The following URM1 variants were observed in gnomAD, a reference collection of about 807,000 sequenced individuals.
URM1 encodes the protein ubiquitin related modifier 1.
A neutral mutation model predicts 17.7 loss-of-function variants in URM1; 11 were observed. The observed-to-expected ratio is 0.62, with a 90% confidence interval of 0.39 to 1.03. URM1 has a LOEUF of 1.03. URM1 is among the 50% of genes least tolerant of loss of function. The pLI is 0.00. For missense variants in URM1, 128 were observed against 129.2 expected, an observed-to-expected ratio of 0.99 and a Z score of 0.04; for synonymous variants, 48 against 50.6, an observed-to-expected ratio of 0.95 and a Z score of 0.22.
intron 4 of URM1, 92 bp downstream of exon 4, chr9:128,389,401 G>A (rs1460767332): frequency 1.2e-6 from 2 of 1,611,768 alleles, no homozygotes; most frequent in East Asian, 4.5e-5. Flanking sequence ...CATATAGAGT[G>A]GCTGGGTAAT....
At chr9:128,386,723 A>G (rs781778150) in intron 2 of URM1, among the ~76,000 whole-genome samples, 65 of 152,208 alleles carry the variant, frequency 4.3e-4, no homozygotes, top group Non-Finnish European at 9.3e-4. Context: ...TCTGGACTCC[A>G]GGCAGGAAAA....
At chr9:128,386,017 A>G (rs1246700661) in intron 2 of URM1, among the ~76,000 whole-genome samples, 1 of 152,130 alleles carries the variant, frequency 6.6e-6, no homozygotes, top group South Asian at 2.1e-4. Context: ...TGACTCCACC[A>G]TGACCACTAG....
At chr9:128,386,968 TGAGGACCATAGGCTTC>T (rs1302570244) in intron 2 of URM1, among the ~76,000 whole-genome samples, 1 of 152,232 alleles carries the variant, frequency 6.6e-6, no homozygotes, top group Non-Finnish European at 1.5e-5. Flanking sequence ...GGCGGACAGT[TGAGGACCATAGGCTTC>T]GAGGTGTTTA....
chr9:128,378,179 C>T (rs972726042), intron 2 of URM1, 73 bp downstream of exon 2: 2 of 1,054,312 alleles, frequency 1.9e-6, no homozygotes, highest in Non-Finnish European at 2.8e-6. Context: ...ACACTCAGCC[C>T]CGTTCAGGCC....
chr9:128,378,443 A>AGGAGAATTGCTTGAACCGG (rs1255721706), intron 2 of URM1, among the ~76,000 whole-genome samples: 1 of 146,338 alleles, frequency 6.8e-6, no homozygotes. Context: ...AGGCTGAGGC[A>AGGAGAATTGCTTGAACCGG]GGAGAATTGC....
intron 2 of URM1, among the ~76,000 whole-genome samples, chr9:128,386,106 T>C (rs1564412564): frequency 6.6e-6 from 1 of 152,076 alleles, no homozygotes. Context: ...TGTCCCCTAA[T>C]TGAGTCCTGG....
At chr9:128,373,606 G>A (rs1833040102) in intron 1 of URM1, among the ~76,000 whole-genome samples, 1 of 152,136 alleles carries the variant, frequency 6.6e-6, no homozygotes, top group Admixed American at 6.5e-5. Context: ...TCTCAGCAGA[G>A]CGTTTTCTCA....
chr9:128,389,809 A>G lies in URM1; in HGVS notation c.*75A>G. 1 of 1,594,562 alleles carries G rather than the reference A, an allele frequency of 6.3e-7. No individual in the cohort carries two copies. Among genetic ancestry groups the G allele is most frequent in the Non-Finnish European group, 8.6e-7 (1 of 1,167,898 alleles). On this transcript the variant is annotated 3_prime_UTR_variant, in exon 5 of 5. Coordinates refer to ENST00000372853, the MANE Select transcript of URM1 (RefSeq NM_030914.4). Reference sequence around the variant, plus strand: ...AGACATCCCCTTGGGCCCTGCTTCCAGGTCTCCCTGTCCCCCTTGCCTGCC... The same window carrying G: ...AGACATCCCCTTGGGCCCTGCTTCCGGGTCTCCCTGTCCCCCTTGCCTGCC...
chr9:128,387,746 G>A lies in URM1; in HGVS notation c.107-70G>A. The stretch of plus-strand genomic sequence containing the variant: ...ACCGTGTGTATTTCCTTGTGGGCCA[G>A]GCAAGGCTCTGGGGGTGGGCAGGTG... On this transcript the variant is annotated intron_variant, in intron 2 of 4. Coordinates refer to ENST00000372853, the MANE Select transcript of URM1 (RefSeq NM_030914.4). This position sits in a 1 kb window ranked among gnomAD's most constrained non-coding sequence, Gnocchi z 4.3. The A allele has an allele frequency of 6.2e-7, 1 of 1,607,618 alleles. No individual in the cohort carries two copies. The highest frequency in any genetic ancestry group is 1.7e-5 in the Admixed American group (1 of 59,828).
chr9:128,389,016 G>A (rs1833266923), intron 3 of URM1: 1 of 1,331,496 alleles, frequency 7.5e-7, no homozygotes, highest in Admixed American at 3.5e-5. Flanking sequence ...CCTGCCCATG[G>A]TCTGGGTGGT....
intron 3 of URM1, chr9:128,388,670 C>G (rs2131301657): frequency 1.0e-6 from 1 of 985,192 alleles, no homozygotes; most frequent in Admixed American, 6.1e-5. Context: ...GGGAGCCAGG[C>G]TAAGCTGCCT....
rs775582641 is a variant in URM1 at position 128,387,517 on chromosome 9, G to A, written c.107-299G>A. On this transcript the variant is annotated intron_variant, in intron 2 of 4. Coordinates refer to ENST00000372853, the MANE Select transcript of URM1 (RefSeq NM_030914.4). The surrounding 1 kb of genome is among the most constrained non-coding windows in gnomAD (Gnocchi z 4.3). ...GCCTGTCTCCTAACCCTTTAGATGC[G>A]ACAGTCCTCCCGCCGTCTGCCTTGA... 5.9e-5 allele frequency among the ~76,000 whole-genome samples: 9 copies of A among 152,112 alleles called. No homozygotes were observed. Among genetic ancestry groups the A allele is most frequent in the African/African-American group, 1.2e-4 (5 of 41,416 alleles).
chr9:128,386,271 C>A (rs1424336102), intron 2 of URM1, among the ~76,000 whole-genome samples: 1 of 152,176 alleles, frequency 6.6e-6, no homozygotes, highest in Non-Finnish European at 1.5e-5. Flanking sequence ...CCAGACAGTA[C>A]CAAGATGGAG....
At chr9:128,385,837 C>T (rs1833219565) in intron 2 of URM1, among the ~76,000 whole-genome samples, 1 of 151,598 alleles carries the variant, frequency 6.6e-6, no homozygotes, top group Admixed American at 6.6e-5. Context: ...GTAGCCTCAC[C>T]ATGGTAACAG....
At chr9:128,371,368 C>G (rs369971476), upstream of URM1, 6 of 1,612,880 alleles carry the variant, frequency 3.7e-6, no homozygotes, top group African/African-American at 1.3e-5. Context: ...CCTGCGAGCT[C>G]GGCTTCCTCA....
At position 128,389,911 on chromosome 9, in the gene URM1, G is replaced by A. The variant is rs1833287013; in HGVS notation, c.*177G>A. The stretch of plus-strand genomic sequence containing the variant: ...GGTGCTAAAAATGAGCCTTTCTCAA[G>A]CACGTGAGCAGCGGAAGGCAGACAG... On this transcript the variant is annotated 3_prime_UTR_variant, in exon 5 of 5. Transcript: ENST00000372853. 4.9e-6 allele frequency: 4 copies of A among 812,784 alleles called. No individual in the cohort carries two copies. Among genetic ancestry groups the A allele is most frequent in the Non-Finnish European group, 7.5e-6 (4 of 531,414 alleles). 50.3% of individuals were successfully genotyped at this position (812,784 alleles called of 1,614,324 possible).
chr9:128,382,988 C>A (rs900755039), intron 2 of URM1, among the ~76,000 whole-genome samples: 4 of 152,168 alleles, frequency 2.6e-5, no homozygotes, highest in African/African-American at 9.7e-5. Context: ...CTGTCTTCCC[C>A]TGTCCTGCCT....
At chr9:128,376,780 A>G (rs1236739884) in intron 1 of URM1, among the ~76,000 whole-genome samples, 3 of 152,202 alleles carry the variant, frequency 2.0e-5, no homozygotes, top group Non-Finnish European at 4.4e-5. Context: ...TGAGCTCAAG[A>G]GTTCGAGACC....
rs561026653 is a variant in URM1, at chr9:128,388,521, C to T, written c.188+624C>T. ...AGGTGGCCGGTGCAGTTGTGAGGCT[C>T]GCTTATTTGCCTCGAAGCATAGGTC... On this transcript the variant is annotated intron_variant, in intron 3 of 4. Coordinates refer to ENST00000372853, the MANE Select transcript of URM1 (RefSeq NM_030914.4). 5.8e-5 allele frequency: 57 copies of T among 985,976 alleles called. No homozygotes were observed. The African/African-American group carries it at 8.7e-4, about 15-fold the overall frequency. 61.1% of individuals were successfully genotyped at this position (985,976 alleles called of 1,614,324 possible).
Sources: allele counts gnomAD v4.1 joint callset (sites outside exome capture counted in the v4.1 genomes callset), GRCh38; gene constraint gnomAD v4.1.1; non-coding constraint Gnocchi (gnomAD v3.1); transcripts MANE v1.5; gene names NCBI Gene and HGNC (gene_info 2026-07-23, HGNC 2026-07-21).